Variants in KANSL1 observed in about 807,000 individuals in gnomAD.
KANSL1 encodes the protein MLL1/MLL complex subunit KANSL1.
In KANSL1, 22 loss-of-function variants were observed where a neutral mutation model predicts 103.6. The observed-to-expected ratio is 0.21, with a 90% CI of 0.15 to 0.30. The LOEUF (loss-of-function observed/expected upper bound fraction) is 0.30. Ranked by LOEUF, KANSL1 falls within the 10% of genes least tolerant of loss-of-function variation. KANSL1 has a pLI of 1.00. For synonymous variants in KANSL1, 600 were observed against 527.6 expected, an observed-to-expected ratio of 1.14 and a Z score of -1.88; for missense variants, 1,337 against 1,399.8, an observed-to-expected ratio of 0.96 and a Z score of 0.72.
intron 1 of KANSL1, among the ~76,000 whole-genome samples, chr17:46,183,213 G>C (rs1411255783): frequency 2.0e-5 from 3 of 152,186 alleles, no homozygotes; most frequent in African/African-American, 7.2e-5. Context: ...CTTCAGGCAA[G>C]GAGTTCAAGG....
intron 2 of KANSL1, among the ~76,000 whole-genome samples, chr17:46,122,140 A>G (rs1012197509): frequency 1.3e-5 from 2 of 152,244 alleles, no homozygotes; most frequent in African/African-American, 4.8e-5. Flanking sequence ...GGTGCTAGCA[A>G]CTACAGTCTA....
At chr17:46,115,204 C>T (rs1327647790) in intron 2 of KANSL1, among the ~76,000 whole-genome samples, 3 of 151,936 alleles carry the variant, frequency 2.0e-5, no homozygotes, top group East Asian at 3.8e-4. Flanking sequence ...GGATTACACG[C>T]GCCTGCCACC....
rs71138525 is a variant in KANSL1, at chr17:46,096,311, C to CTTTTTTTTTTTTTTTTTTTTTTTTTTT, written c.1290-1611_1290-1610insAAAAAAAAAAAAAAAAAAAAAAAAAAA. Among the ~76,000 whole-genome samples, 139 of 76,388 alleles carry CTTTTTTTTTTTTTTTTTTTTTTTTTTT rather than the reference C, an allele frequency of 1.8e-3. 6 individuals carry two copies. The highest frequency in any genetic ancestry group is 5.8e-3 in the East Asian group (12 of 2,074). 50.1% of individuals were successfully genotyped at this position (76,388 alleles called of 152,430 possible). A position where few individuals can be genotyped will look rare whatever the true frequency, so the allele number is the denominator to read the frequency against. On this transcript the variant is annotated intron_variant, in intron 2 of 14. Coordinates refer to ENST00000432791, the MANE Select transcript of KANSL1 (RefSeq NM_015443.4). ...CATACTACATACCTGGCTTTTTTTT[C>CTTTTTTTTTTTTTTTTTTTTTTTTTTT]TTTTTTTTTTTTTTTTTTTTTGAGA...
In KANSL1 at chr17:46,039,715, G is replaced by C; in HGVS notation, c.2190C>G (p.Phe730Leu). Residue 730 changes from phenylalanine to leucine, a missense_variant, in exon 8 of 15, where the codon TTC becomes TTG. Phe to Leu is a conservative substitution (Grantham distance 22, BLOSUM62 0). This residue lies in a region of KANSL1 where 780 missense variants were observed against 923.4 expected (regional missense o/e 0.84). Transcript: ENST00000432791. ...CCTGACACTTACTGGCTGTTGTTAG[G>C]AAGGAGCTGACCAATTTGTGCCTGT... ...RKDRHKLVSSFLTTAKLSHHQ... is the reference protein window; with the variant it reads ...RKDRHKLVSSLLTTAKLSHHQ... The C allele has an allele frequency of 6.2e-7, 1 of 1,613,714 alleles. No individual in the cohort carries two copies. Among genetic ancestry groups the C allele is most frequent in the Non-Finnish European group, 8.5e-7 (1 of 1,179,772 alleles).
At position 46,084,424 on chromosome 17, in the gene KANSL1, G is replaced by C. The variant is rs1275365722; in HGVS notation, c.1432-1882C>G. 2.0e-5 allele frequency among the ~76,000 whole-genome samples: 3 copies of C among 151,960 alleles called. No individual in the cohort carries two copies. In the East Asian group the frequency reaches 5.8e-4, roughly 29 times the overall value. ...ACAACAAAAATGAATTGGAGGCTGG[G>C]TGTGGTAGATCACACCTGTAATCCT... On this transcript the variant is annotated intron_variant, in intron 3 of 14. Coordinates refer to ENST00000432791, the MANE Select transcript of KANSL1 (RefSeq NM_015443.4).
intron 2 of KANSL1, among the ~76,000 whole-genome samples, chr17:46,118,993 C>T (rs897315803): frequency 2.0e-5 from 3 of 152,192 alleles, no homozygotes; most frequent in African/African-American, 7.2e-5. Context: ...TAAAAGATCC[C>T]ACGTAGCTCC....
At chr17:46,080,934 G>T (rs2078967970) in intron 4 of KANSL1, among the ~76,000 whole-genome samples, 1 of 152,194 alleles carries the variant, frequency 6.6e-6, no homozygotes. Context: ...CAAAGGGAAA[G>T]ATGGTCTTGA....
intron 2 of KANSL1, among the ~76,000 whole-genome samples, chr17:46,160,850 G>A (rs1011567955): frequency 6.6e-6 from 1 of 152,148 alleles, no homozygotes; most frequent in Non-Finnish European, 1.5e-5. Flanking sequence ...AAAAGCTAGT[G>A]CTTATGCCCA....
chr17:46,045,514 G>C (rs1385840313), intron 7 of KANSL1: 1 of 151,618 alleles, frequency 6.6e-6, no homozygotes, highest in Non-Finnish European at 1.5e-5. Flanking sequence ...CAGGGCCATA[G>C]CTAGAAGCTC....
rs1365029617 is a variant in KANSL1, at chr17:46,030,263, C to T, written c.*1213G>A. On this transcript the variant is annotated 3_prime_UTR_variant, in exon 15 of 15. Coordinates refer to ENST00000432791, the MANE Select transcript of KANSL1 (RefSeq NM_015443.4). ...GTATTTTTTTTTAAAGAAACAATGA[C>T]AAACCCTTTAACTTGCAAACAGAAA... The T allele has an allele frequency of 6.7e-6, 1 of 149,760 alleles. No individual in the cohort carries two copies. Among genetic ancestry groups the T allele is most frequent in the Non-Finnish European group, 1.5e-5 (1 of 67,598 alleles). 9.3% of individuals were successfully genotyped at this position (149,760 alleles called of 1,614,324 possible). A position where few individuals can be genotyped will look rare whatever the true frequency, so the allele number is the denominator to read the frequency against.
intron 2 of KANSL1, among the ~76,000 whole-genome samples, chr17:46,146,547 G>T (rs924340921): frequency 1.4e-5 from 2 of 147,494 alleles, no homozygotes; most frequent in African/African-American, 4.8e-5. Flanking sequence ...ATCACAAGAA[G>T]TTGAGGCCGG....
At chr17:46,125,092 G>C (rs1327544523) in intron 2 of KANSL1, among the ~76,000 whole-genome samples, 8 of 82,632 alleles carry the variant, frequency 9.7e-5, no homozygotes, top group Non-Finnish European at 2.0e-4. Flanking sequence ...GAGAGAGGGA[G>C]GGAGGGAGAG....
At chr17:46,057,427 T>A (rs1349489645) in intron 6 of KANSL1, among the ~76,000 whole-genome samples, 10 of 152,182 alleles carry the variant, frequency 6.6e-5, no homozygotes, top group Admixed American at 5.9e-4. Flanking sequence ...AAGGACAATT[T>A]TCCCTTTATA....
intron 1 of KANSL1, among the ~76,000 whole-genome samples, chr17:46,185,695 A>ACACG (rs2046995319): frequency 1.0e-4 from 3 of 29,386 alleles, no homozygotes; most frequent in Non-Finnish European, 2.2e-4. Flanking sequence ...ACATATATAC[A>ACACG]CACACACACA....
intron 14 of KANSL1, 93 bp downstream of exon 14, chr17:46,031,954 A>G: frequency 6.4e-6 from 10 of 1,556,562 alleles, no homozygotes; most frequent in Non-Finnish European, 7.9e-6. Context: ...CAAAAGGGGG[A>G]GGGGATGGCT....
intron 1 of KANSL1, among the ~76,000 whole-genome samples, chr17:46,175,952 T>G (rs1364207473): frequency 6.6e-6 from 1 of 152,256 alleles, no homozygotes; most frequent in East Asian, 1.9e-4. Context: ...TAAAAATATT[T>G]TGAGTCACTT....
rs770930377 is a variant in KANSL1, at chr17:46,171,264, T to C, written c.880A>G (p.Ile294Val). The C allele has an allele frequency of 8.1e-6, 13 of 1,614,054 alleles. No homozygotes were observed. In the East Asian group the frequency reaches 1.6e-4, roughly 19 times the overall value. Residue 294 changes from isoleucine to valine, a missense_variant, in exon 2 of 15, where the codon ATT (isoleucine) becomes GTT (valine). Ile to Val is a conservative substitution (Grantham distance 29). Coordinates refer to ENST00000432791, the MANE Select transcript of KANSL1 (RefSeq NM_015443.4). ...ITALLRRQAD[I>V]ESRARRLQKR... ...TGTAATCTGCGGGCACGGCTCTCAATGTCAGCCTGTCGCCGCAGTAAAGCT... is the reference window on the plus strand; with the variant it reads ...TGTAATCTGCGGGCACGGCTCTCAACGTCAGCCTGTCGCCGCAGTAAAGCT...
chr17:46,166,087 C>G (rs1191849627), intron 2 of KANSL1, among the ~76,000 whole-genome samples: 1 of 151,776 alleles, frequency 6.6e-6, no homozygotes, highest in Admixed American at 6.6e-5. Flanking sequence ...TGGTGGGCGC[C>G]TGTAATCCCA....
intron 2 of KANSL1, among the ~76,000 whole-genome samples, chr17:46,115,246 G>A (rs1230110215): frequency 6.6e-6 from 1 of 152,082 alleles, no homozygotes; most frequent in Non-Finnish European, 1.5e-5. Context: ...TTTTAGTAGA[G>A]ATGGGATTTT....
Sources: gnomAD v4.1 joint callset for allele counts (sites outside exome capture counted in the v4.1 genomes callset) on GRCh38, gnomAD v4.1.1 for gene constraint, gnomAD v4.1.1 regional missense constraint, MANE v1.5 for transcripts, NCBI Gene and HGNC (gene_info 2026-07-23, HGNC 2026-07-21) for gene names.